The following MRTFA variants were observed in gnomAD, a reference collection of about 807,000 sequenced individuals.
The protein encoded by MRTFA is myocardin related transcription factor A.
A neutral mutation model predicts 83.5 loss-of-function variants in MRTFA; 20 were observed. The ratio of observed to expected loss-of-function variants is 0.24; its 90% confidence interval spans 0.17 to 0.35. The LOEUF (loss-of-function observed/expected upper bound fraction) is 0.35, where lower values mean the gene tolerates loss of function less well. Among genes scored for constraint, MRTFA ranks in the 10% least tolerant of loss-of-function variants. The pLI, the probability that MRTFA is intolerant of heterozygous loss-of-function variation, is 1.00. For missense variants in MRTFA, 1,200 were observed against 1,224.7 expected, an observed-to-expected ratio of 0.98 and a Z score of 0.30; for synonymous variants, 659 against 541.2, an observed-to-expected ratio of 1.22 and a Z score of -3.02.
At chr22:40,574,623 C>T (rs1024343930) in intron 2 of MRTFA, among the ~76,000 whole-genome samples, 16 of 151,620 alleles carry the variant, frequency 1.1e-4, no homozygotes, top group South Asian at 4.2e-4. Context: ...TTGGTAGAGA[C>T]GGGGTTTCAC....
chr22:40,439,504 CAAAAAAAAAAAAAAA>C (rs756033541), intron 4 of MRTFA, among the ~76,000 whole-genome samples: 2 of 32,132 alleles, frequency 6.2e-5, no homozygotes, highest in Non-Finnish European at 6.3e-5. Context: ...GACTCTGTCT[CAAAAAAAAAAAAAAA>C]AAAAAAAAAA....
chr22:40,506,941 C>A (rs2054589920), intron 3 of MRTFA, among the ~76,000 whole-genome samples: 1 of 152,120 alleles, frequency 6.6e-6, no homozygotes, highest in African/African-American at 2.4e-5. Context: ...TCTTCAATGA[C>A]CACATATAAG....
At chr22:40,437,420 CA>C (rs1423098790) in intron 4 of MRTFA, among the ~76,000 whole-genome samples, 1 of 152,158 alleles carries the variant, frequency 6.6e-6, no homozygotes, top group Non-Finnish European at 1.5e-5. Context: ...TTTTCTGCCT[CA>C]TTTTTCTCCG....
At chr22:40,439,050 G>A (rs2053224989) in intron 4 of MRTFA, among the ~76,000 whole-genome samples, 1 of 152,112 alleles carries the variant, frequency 6.6e-6, no homozygotes, top group African/African-American at 2.4e-5. Flanking sequence ...TTATAGATAA[G>A]GACAGGGCCA....
chr22:40,473,127 A>G (rs1602301012), intron 3 of MRTFA, among the ~76,000 whole-genome samples: 1 of 152,092 alleles, frequency 6.6e-6, no homozygotes, highest in African/African-American at 2.4e-5. Flanking sequence ...TCTCTTTTAT[A>G]TACAGTGTAG....
At chr22:40,494,908 A>G (rs1050876778) in intron 3 of MRTFA, among the ~76,000 whole-genome samples, 2 of 152,174 alleles carry the variant, frequency 1.3e-5, no homozygotes, top group Non-Finnish European at 2.9e-5. Flanking sequence ...GGCATAATGG[A>G]ATTTTGGGAG....
intron 4 of MRTFA, among the ~76,000 whole-genome samples, chr22:40,449,260 C>A (rs912233706): frequency 2.2e-5 from 3 of 139,454 alleles, no homozygotes; most frequent in Non-Finnish European, 4.6e-5. Flanking sequence ...GAACGAGACT[C>A]GGTCTCCAAA....
intron 3 of MRTFA, among the ~76,000 whole-genome samples, chr22:40,497,864 T>C (rs1258346097): frequency 1.3e-5 from 2 of 152,162 alleles, no homozygotes; most frequent in African/African-American, 2.4e-5. Context: ...CCGGGCACAG[T>C]AGCTCACACC....
intron 3 of MRTFA, among the ~76,000 whole-genome samples, chr22:40,473,945 G>A (rs1418996305): frequency 6.6e-6 from 1 of 152,180 alleles, no homozygotes; most frequent in Non-Finnish European, 1.5e-5. Flanking sequence ...AGAAGCAGGT[G>A]CTACTCAAGT....
chr22:40,550,091 T>C (rs868253373), intron 3 of MRTFA, among the ~76,000 whole-genome samples: 1 of 150,072 alleles, frequency 6.7e-6, no homozygotes, highest in Non-Finnish European at 1.5e-5. Context: ...ATGAGATTGA[T>C]AGATATCTGT....
intron 3 of MRTFA, among the ~76,000 whole-genome samples, chr22:40,516,882 C>A (rs60329190): frequency 0.024 from 3,598 of 152,136 alleles, 154 homozygotes; most frequent in African/African-American, 0.084. Context: ...GAAGGCCATT[C>A]CTATGCAGAA....
At chr22:40,514,995 G>A (rs1021908238) in intron 3 of MRTFA, among the ~76,000 whole-genome samples, 6 of 148,284 alleles carry the variant, frequency 4.0e-5, no homozygotes, top group African/African-American at 5.0e-5. Context: ...TGCAACCTCC[G>A]CCTTCTGGGT....
chr22:40,471,398 A>T (rs1042902190), intron 3 of MRTFA, among the ~76,000 whole-genome samples: 4 of 151,878 alleles, frequency 2.6e-5, no homozygotes, highest in African/African-American at 7.3e-5. Flanking sequence ...GCAAGACTCC[A>T]TCTCAAAAAA....
At chr22:40,452,508 G>A (rs368994326) in intron 4 of MRTFA, among the ~76,000 whole-genome samples, 12 of 152,048 alleles carry the variant, frequency 7.9e-5, no homozygotes, top group African/African-American at 2.9e-4. Flanking sequence ...ACATCAAACT[G>A]TAACAAGAAC....
chr22:40,437,838 A>G (rs76747430), intron 4 of MRTFA, among the ~76,000 whole-genome samples: 21,174 of 151,904 alleles, frequency 0.14, 1,822 homozygotes, highest in South Asian at 0.31. Flanking sequence ...CATTTACAAC[A>G]TGTCCCCATC....
Position 40,633,339 on chromosome 22 carries a change from A to C in MRTFA, c.-84+3139T>G, listed in dbSNP as rs12160515. On this transcript the variant is annotated intron_variant, in intron 1 of 14. Coordinates refer to ENST00000355630, the MANE Select transcript of MRTFA (RefSeq NM_020831.6). ...AACTGCCTTTGAAGCTGGGAAGAAA[A>C]ACAAATATCCTCACCCCTGGGGAGC... Among the ~76,000 whole-genome samples, 915 of 152,282 alleles carry C rather than the reference A, an allele frequency of 6.0e-3. 20 individuals are homozygous for C. The Middle Eastern group carries it at 0.071, about 12-fold the overall frequency.
chr22:40,535,543 G>A lies in MRTFA; in HGVS notation c.241+16563C>T, dbSNP rs146958724. ...AACTTTTGTATTTTTAGTAAAGATG[G>A]GGTTTCACCATGTTGCCCAGGCTGG... On this transcript the variant is annotated intron_variant, in intron 3 of 14. Coordinates refer to ENST00000355630, the MANE Select transcript of MRTFA (RefSeq NM_020831.6). Among the ~76,000 whole-genome samples the A allele has an allele frequency of 5.3e-5, 8 of 151,808 alleles. No individual in the cohort carries two copies. In the East Asian group the frequency reaches 1.6e-3, roughly 29 times the overall value.
At chr22:40,539,513 G>GT (rs2055251279) in intron 3 of MRTFA, among the ~76,000 whole-genome samples, 1 of 138,670 alleles carries the variant, frequency 7.2e-6, no homozygotes. Flanking sequence ...TAATTTTTGT[G>GT]TTTTTTGTTT....
At chr22:40,532,264 G>A (rs985376078) in intron 3 of MRTFA, among the ~76,000 whole-genome samples, 4 of 152,228 alleles carry the variant, frequency 2.6e-5, no homozygotes, top group Non-Finnish European at 5.9e-5. Context: ...GGACTGAGAT[G>A]ATCTGTAAGT....
Sources: gnomAD v4.1 joint callset for allele counts (sites outside exome capture counted in the v4.1 genomes callset) on GRCh38, gnomAD v4.1.1 for gene constraint, MANE v1.5 for transcripts, NCBI Gene and HGNC (gene_info 2026-07-23, HGNC 2026-07-21) for gene names.